The following ENOX2 variants were observed in gnomAD, a reference collection of about 807,000 sequenced individuals.
The protein encoded by ENOX2 is APK1 antigen.
A neutral mutation model predicts 45.0 loss-of-function variants in ENOX2; 36 were observed. That is an observed-to-expected ratio of 0.80 (90% CI 0.61 to 1.06). The LOEUF is 1.06. Ranked by LOEUF, ENOX2 falls within the 50% of genes least tolerant of loss-of-function variation. The pLI, the probability that ENOX2 is intolerant of heterozygous loss-of-function variation, is 0.00. For missense variants in ENOX2, 423 were observed against 462.5 expected, an observed-to-expected ratio of 0.91 and a Z score of 0.78; for synonymous variants, 174 against 152.3, an observed-to-expected ratio of 1.14 and a Z score of -1.05.
chrX:130,759,379 G>T (rs752340618), intron 3 of ENOX2, among the ~76,000 whole-genome samples: 1 of 108,922 alleles, frequency 9.2e-6, no homozygotes, highest in South Asian at 4.0e-4. Flanking sequence ...ACCAGCTGAG[G>T]TCAGGAGTTT....
At chrX:130,709,308 G>C in intron 3 of ENOX2, 1 of 1,185,063 alleles carries the variant, frequency 8.4e-7, no homozygotes, top group Non-Finnish European at 1.1e-6. Context: ...GTCCTCAACT[G>C]TGAACTTAGC....
chrX:130,683,689 A>G (rs2037372782), intron 5 of ENOX2, among the ~76,000 whole-genome samples: 1 of 109,700 alleles, frequency 9.1e-6, no homozygotes, highest in South Asian at 4.0e-4. Context: ...AGAGAATCGT[A>G]TTACCCTTTT....
chrX:130,655,917 C>T (rs1603297972), intron 10 of ENOX2, among the ~76,000 whole-genome samples: 1 of 112,150 alleles, frequency 8.9e-6, no homozygotes, highest in Non-Finnish European at 1.9e-5. Flanking sequence ...AGATTACAGG[C>T]GTGAGCCACA....
chrX:130,842,695 ACTCT>A (rs1180881018), intron 2 of ENOX2, among the ~76,000 whole-genome samples: 1 of 105,362 alleles, frequency 9.5e-6, no homozygotes, highest in Non-Finnish European at 2.0e-5. Context: ...CTTTCTTGAA[ACTCT>A]CTCTTCCCTT....
chrX:130,818,216 A>G (rs2077523556), intron 2 of ENOX2, among the ~76,000 whole-genome samples: 1 of 111,695 alleles, frequency 9.0e-6, no homozygotes, highest in Non-Finnish European at 1.9e-5. Flanking sequence ...CTCTTCAAGG[A>G]GAACTACAAA....
At chrX:130,655,631 GT>G (rs1185454557) in intron 10 of ENOX2, among the ~76,000 whole-genome samples, 1 of 111,840 alleles carries the variant, frequency 8.9e-6, no homozygotes, top group East Asian at 2.8e-4. Flanking sequence ...CCTGTTAGAT[GT>G]TTTTTTGTTT....
chrX:130,865,040 A>ATTTT (rs59866457), intron 2 of ENOX2, among the ~76,000 whole-genome samples: 1 of 94,586 alleles, frequency 1.1e-5, no homozygotes, highest in Admixed American at 1.2e-4. Context: ...TTGGACACAG[A>ATTTT]TTTTTTTTTT....
At chrX:130,668,029 T>G (rs1049258161) in intron 7 of ENOX2, among the ~76,000 whole-genome samples, 14 of 109,929 alleles carry the variant, frequency 1.3e-4, no homozygotes, top group African/African-American at 4.7e-4. Context: ...ATAGGTTTCA[T>G]GTATTGCAAA....
rs147558763 is a variant in ENOX2 at position 130,698,508 on chromosome X, T to G, written c.97+4612A>C. ...ATTCAGGTTTGTTTTGAAGAGACAT[T>G]AATTTTATCTGGTATATATAATGTT... is the stretch of plus-strand genomic sequence containing the variant. On this transcript the variant is annotated intron_variant, in intron 4 of 14. Transcript: ENST00000394363. Among the ~76,000 whole-genome samples the G allele has an allele frequency of 2.1e-4, 23 of 111,227 alleles. No individual in the cohort carries two copies. In the East Asian group the frequency reaches 5.9e-3, roughly 29 times the overall value.
chrX:130,879,437 T>C lies in ENOX2; in HGVS notation c.-183+22247A>G, dbSNP rs767841254. 5.6e-4 allele frequency among the ~76,000 whole-genome samples: 62 copies of C among 110,246 alleles called. 1 individual carries two copies. The highest frequency in any genetic ancestry group is 2.0e-3 in the African/African-American group (61 of 30,345). On this transcript the variant is annotated intron_variant, in intron 2 of 14. Transcript: ENST00000394363. Reference sequence around the variant, plus strand: ...TCTCTTCTCTCTTCCCTTCTCCCTTTCTCTCCCTCCCTCCATCCCTCCCTC... The same window carrying C: ...TCTCTTCTCTCTTCCCTTCTCCCTTCCTCTCCCTCCCTCCATCCCTCCCTC...
intron 2 of ENOX2, among the ~76,000 whole-genome samples, chrX:130,845,818 G>A (rs2078092529): frequency 8.9e-6 from 1 of 112,195 alleles, no homozygotes; most frequent in Admixed American, 9.4e-5. Context: ...TTCAGAAGTG[G>A]TTATGCTTCG....
intron 9 of ENOX2, among the ~76,000 whole-genome samples, chrX:130,663,870 T>C (rs1466507052): frequency 8.9e-6 from 1 of 111,841 alleles, no homozygotes; most frequent in East Asian, 2.8e-4. Context: ...TCTAACTCCC[T>C]GAGGGCAAAG....
Position 130,806,286 on chromosome X carries a change from G to A in ENOX2, c.-182-22596C>T, listed in dbSNP as rs188857293. 4.4e-3 allele frequency among the ~76,000 whole-genome samples: 499 copies of A among 112,201 alleles called. 3 individuals are homozygous for A. The highest frequency in any genetic ancestry group is 0.016 in the South Asian group (43 of 2,680). ...ATTATTACTGTTAATACTGCCATGT[G>A]TGACTGAGAATTTGTACCACTGACT... On this transcript the variant is annotated intron_variant, in intron 2 of 14. Coordinates refer to ENST00000394363, the MANE Select transcript of ENOX2 (RefSeq NM_006375.4).
At chrX:130,796,847 G>GA (rs1484502936) in intron 2 of ENOX2, among the ~76,000 whole-genome samples, 1 of 111,956 alleles carries the variant, frequency 8.9e-6, no homozygotes, top group African/African-American at 3.2e-5. Flanking sequence ...AGAAAGCCTG[G>GA]AAAAATTAAT....
intron 2 of ENOX2, among the ~76,000 whole-genome samples, chrX:130,837,231 G>A (rs2077943719): frequency 8.9e-6 from 1 of 111,744 alleles, no homozygotes; most frequent in Non-Finnish European, 1.9e-5. Flanking sequence ...ATTGGTTCTT[G>A]CAACAGACCC....
chrX:130,784,190 A>C (rs1439108013), intron 2 of ENOX2, among the ~76,000 whole-genome samples: 1 of 112,101 alleles, frequency 8.9e-6, no homozygotes, highest in Non-Finnish European at 1.9e-5. Context: ...TGAGAAAAGG[A>C]AACAAATATA....
At chrX:130,772,923 A>C (rs150390316) in intron 3 of ENOX2, among the ~76,000 whole-genome samples, 1 of 112,472 alleles carries the variant, frequency 8.9e-6, no homozygotes, top group Non-Finnish European at 1.9e-5. Context: ...AAAGACACTC[A>C]GTAAATATTT....
intron 2 of ENOX2, among the ~76,000 whole-genome samples, chrX:130,790,642 C>T (rs993681090): frequency 4.5e-5 from 5 of 112,241 alleles, no homozygotes; most frequent in African/African-American, 1.6e-4. Flanking sequence ...TCACTGAATC[C>T]ATCCAGTACT....
chrX:130,647,415 AAG>A (rs1210246105), intron 10 of ENOX2, among the ~76,000 whole-genome samples: 1 of 112,450 alleles, frequency 8.9e-6, no homozygotes, highest in East Asian at 2.8e-4. Flanking sequence ...GCTGCAAGAG[AAG>A]AGTCTTACTC....
Sources: allele counts gnomAD v4.1 joint callset (sites outside exome capture counted in the v4.1 genomes callset), GRCh38; gene constraint gnomAD v4.1.1; transcripts MANE v1.5; gene names NCBI Gene and HGNC (gene_info 2026-07-23, HGNC 2026-07-21).